The following TNFSF4 variants were observed in gnomAD, a reference collection of about 807,000 sequenced individuals.
The protein encoded by TNFSF4 is tumor necrosis factor ligand superfamily member 4.
TNFSF4 carries 4 observed loss-of-function variants against 7.3 expected under a neutral mutation model. The observed-to-expected ratio is 0.55, with a 90% CI of 0.27 to 1.25. The LOEUF (loss-of-function observed/expected upper bound fraction) is 1.25, where lower values mean the gene tolerates loss of function less well. Ranked by LOEUF, TNFSF4 falls within the 50% of genes most tolerant of loss-of-function variation. The pLI is 0.12. For missense variants in TNFSF4, 181 were observed against 208.8 expected (o/e 0.87, Z 0.82); for synonymous variants, 76 against 83.7 (o/e 0.91, Z 0.50).
the TNFSF4 span, among the ~76,000 whole-genome samples, chr1:173,308,115 T>C: frequency 6.6e-6 from 1 of 151,966 alleles, no homozygotes; most frequent in Non-Finnish European, 1.5e-5. Flanking sequence ...TACAATCCCT[T>C]TGTCAGCAAT....
At chr1:173,273,980 C>T in the TNFSF4 span, among the ~76,000 whole-genome samples, 1 of 151,948 alleles carries the variant, frequency 6.6e-6, no homozygotes, top group South Asian at 2.1e-4. Flanking sequence ...TGAGATATTA[C>T]TTATAGCAAG....
At chr1:173,405,630 C>G in the TNFSF4 span, among the ~76,000 whole-genome samples, 1 of 152,046 alleles carries the variant, frequency 6.6e-6, no homozygotes, top group Non-Finnish European at 1.5e-5. Flanking sequence ...TTCCATAGTA[C>G]CAAGGTAAAT....
the TNFSF4 span, among the ~76,000 whole-genome samples, chr1:173,432,802 A>C: frequency 6.6e-6 from 1 of 152,178 alleles, no homozygotes; most frequent in African/African-American, 2.4e-5. Context: ...TCATGTAAAA[A>C]CGACAGCAAT....
chr1:173,311,185 CT>C, the TNFSF4 span, among the ~76,000 whole-genome samples: 1 of 151,802 alleles, frequency 6.6e-6, no homozygotes, highest in Non-Finnish European at 1.5e-5. Flanking sequence ...TTTATTGCTC[CT>C]TTTTTGCCAT....
At chr1:173,272,258 G>A in the TNFSF4 span, among the ~76,000 whole-genome samples, 1 of 152,046 alleles carries the variant, frequency 6.6e-6, no homozygotes, top group Non-Finnish European at 1.5e-5. Flanking sequence ...ACAAGTTAAT[G>A]GGTGCAGCAC....
chr1:173,391,435 CAAAAAAAA>C, the TNFSF4 span, among the ~76,000 whole-genome samples: 5 of 108,806 alleles, frequency 4.6e-5, no homozygotes, highest in Admixed American at 1.0e-4. Context: ...CCTTAGAAAG[CAAAAAAAA>C]AAAAAAAAAA....
chr1:173,203,062 C>T (rs1036211089), intron 1 of TNFSF4, among the ~76,000 whole-genome samples: 6 of 152,116 alleles, frequency 3.9e-5, no homozygotes, highest in African/African-American at 1.2e-4. Flanking sequence ...AAAACCTTCT[C>T]CAATGGATGT....
chr1:173,258,321 CT>C, the TNFSF4 span, among the ~76,000 whole-genome samples: 6 of 151,876 alleles, frequency 4.0e-5, no homozygotes, highest in Non-Finnish European at 5.9e-5. Context: ...TTAGCACGAC[CT>C]ACAAAGAGCA....
chr1:173,440,044 A>C, the TNFSF4 span, among the ~76,000 whole-genome samples: 2 of 152,224 alleles, frequency 1.3e-5, no homozygotes, highest in Non-Finnish European at 2.9e-5. Context: ...TAGTTACTAC[A>C]TTCAGAGAAT....
the TNFSF4 span, among the ~76,000 whole-genome samples, chr1:173,309,032 T>C: frequency 1.3e-5 from 2 of 151,976 alleles, no homozygotes. Flanking sequence ...AATGGAGAGA[T>C]ATCAATGTCA....
At chr1:173,258,190 G>T in the TNFSF4 span, among the ~76,000 whole-genome samples, 1 of 151,958 alleles carries the variant, frequency 6.6e-6, no homozygotes, top group Non-Finnish European at 1.5e-5. Flanking sequence ...TTGGGGAGGG[G>T]CTAAGATAGC....
the TNFSF4 span, among the ~76,000 whole-genome samples, chr1:173,221,891 G>A: frequency 6.6e-6 from 1 of 152,136 alleles, no homozygotes; most frequent in Non-Finnish European, 1.5e-5. Context: ...TATGACCCTT[G>A]AGCAAGTCAC....
At chr1:173,391,462 A>C in the TNFSF4 span, among the ~76,000 whole-genome samples, 1 of 127,070 alleles carries the variant, frequency 7.9e-6, no homozygotes, top group Non-Finnish European at 1.6e-5. Flanking sequence ...AAAAAAAAAA[A>C]AAAAGTTTTT....
At chr1:173,413,040 C>A in the TNFSF4 span, among the ~76,000 whole-genome samples, 2 of 152,116 alleles carry the variant, frequency 1.3e-5, no homozygotes, top group Non-Finnish European at 2.9e-5. Flanking sequence ...GAGGATGGAG[C>A]CCACCCAGAC....
the TNFSF4 span, among the ~76,000 whole-genome samples, chr1:173,367,613 C>A: frequency 6.6e-6 from 1 of 152,038 alleles, no homozygotes; most frequent in African/African-American, 2.4e-5. Flanking sequence ...GCAAATTTTG[C>A]AAAAACATAA....
chr1:173,271,325 A>C, the TNFSF4 span, among the ~76,000 whole-genome samples: 1 of 152,114 alleles, frequency 6.6e-6, no homozygotes, highest in Non-Finnish European at 1.5e-5. Flanking sequence ...ATTTTTGTAC[A>C]AGGTGAAATG....
At chr1:173,364,381 GTATATA>G in the TNFSF4 span, among the ~76,000 whole-genome samples, 1 of 140,800 alleles carries the variant, frequency 7.1e-6, no homozygotes, top group African/African-American at 2.6e-5. Context: ...GGGTGTATGT[GTATATA>G]TATATATATA....
chr1:173,181,114 A>G (rs1425013560), downstream of TNFSF4, among the ~76,000 whole-genome samples: 1 of 152,214 alleles, frequency 6.6e-6, no homozygotes, highest in African/African-American at 2.4e-5. Context: ...AGGGGAGAAT[A>G]CAGATTGTCA....
At chr1:173,265,300 T>G in the TNFSF4 span, among the ~76,000 whole-genome samples, 1 of 152,152 alleles carries the variant, frequency 6.6e-6, no homozygotes, top group Non-Finnish European at 1.5e-5. Context: ...AATAATATGT[T>G]TGGAAGTTGA....
Sources: gnomAD v4.1 joint callset for allele counts (sites outside exome capture counted in the v4.1 genomes callset) on GRCh38, gnomAD v4.1.1 for gene constraint, MANE v1.5 for transcripts, NCBI Gene and HGNC (gene_info 2026-07-23, HGNC 2026-07-21) for gene names.